Variants in MDGA2 observed in about 807,000 individuals in gnomAD.
MDGA2 encodes the protein MAM domain containing glycosylphosphatidylinositol anchor 2.
In MDGA2, 40 loss-of-function variants were observed where a neutral mutation model predicts 117.8. The ratio of observed to expected loss-of-function variants is 0.34; its 90% CI spans 0.26 to 0.44. The LOEUF (loss-of-function observed/expected upper bound fraction) is 0.44. MDGA2 is among the 20% of genes least tolerant of loss of function. MDGA2 has a pLI of 1.00. For synonymous variants in MDGA2, 452 were observed against 439.0 expected, an observed-to-expected ratio of 1.03 and a Z score of -0.37; for missense variants, 1,123 against 1,250.6, an observed-to-expected ratio of 0.90 and a Z score of 1.54.
chr14:47,027,627 T>TTTTATA (rs1555344546), intron 8 of MDGA2, among the ~76,000 whole-genome samples: 7 of 145,934 alleles, frequency 4.8e-5, no homozygotes, highest in Non-Finnish European at 7.5e-5. Context: ...ATATTATATA[T>TTTTATA]TATATATATA....
intron 6 of MDGA2, among the ~76,000 whole-genome samples, chr14:47,070,207 T>C (rs1229292945): frequency 1.3e-5 from 2 of 152,152 alleles, no homozygotes; most frequent in East Asian, 1.9e-4. Context: ...CATGCCCACC[T>C]TCCTCCCCCA....
At chr14:47,387,563 T>C (rs552179633) in intron 1 of MDGA2, among the ~76,000 whole-genome samples, 2 of 152,312 alleles carry the variant, frequency 1.3e-5, no homozygotes, top group South Asian at 4.1e-4. Flanking sequence ...GTAAAAAAGA[T>C]AAAAATTAGA....
At position 47,344,876 on chromosome 14, in the gene MDGA2, A is replaced by AGTGT. The variant is rs59134154; in HGVS notation, c.281-43330_281-43327dup. ...AGGGGTGTCTCTGTGTGTGTATGAG[A>AGTGT]GTGTGTGTGTGTGTGTTTATGACAT... On this transcript the variant is annotated intron_variant, in intron 1 of 16. Transcript: ENST00000399232. Among the ~76,000 whole-genome samples, 258 of 150,912 alleles carry AGTGT rather than the reference A, an allele frequency of 1.7e-3. 1 individual carries two copies. The highest frequency in any genetic ancestry group is 0.01 in the Middle Eastern group (3 of 290).
rs989472801 is a variant in MDGA2 at position 47,558,674 on chromosome 14, C to T, written c.280+115843G>A. Reference sequence around the variant, plus strand: ...TCTGCCTTTTATGAAATAACTGTTTCCTGCCAGTCAATGAAAACATGCTTA... The same window carrying T: ...TCTGCCTTTTATGAAATAACTGTTTTCTGCCAGTCAATGAAAACATGCTTA... On this transcript the variant is annotated intron_variant, in intron 1 of 16. Coordinates refer to ENST00000399232, the MANE Select transcript of MDGA2 (RefSeq NM_001113498.3). 3.9e-5 allele frequency among the ~76,000 whole-genome samples: 6 copies of T among 152,264 alleles called. No homozygotes were observed. In the East Asian group the frequency reaches 1.2e-3, roughly 29 times the overall value.
At chr14:46,874,897 T>C (rs570053168) in intron 12 of MDGA2, among the ~76,000 whole-genome samples, 13 of 151,204 alleles carry the variant, frequency 8.6e-5, no homozygotes, top group Admixed American at 4.0e-4. Flanking sequence ...CAACTATCCC[T>C]GAAATGTGGG....
At chr14:46,972,382 T>C (rs1886303516) in intron 8 of MDGA2, among the ~76,000 whole-genome samples, 1 of 152,172 alleles carries the variant, frequency 6.6e-6, no homozygotes, top group South Asian at 2.1e-4. Flanking sequence ...TGAGAAAAGA[T>C]ATTGAGCCAT....
At chr14:47,289,799 A>G (rs764197548) in intron 2 of MDGA2, among the ~76,000 whole-genome samples, 1 of 152,140 alleles carries the variant, frequency 6.6e-6, no homozygotes, top group Non-Finnish European at 1.5e-5. Context: ...CCTTCTACCT[A>G]TATAATATTT....
rs1477106487 is a variant in MDGA2 at position 47,652,027 on chromosome 14, T to G, written c.280+22490A>C. Reference sequence around the variant, plus strand: ...CAGAACAAAGACCTGATATGAAGTGTAAGTTTAAAAGTTGGCAGACAGGGA... The same window carrying G: ...CAGAACAAAGACCTGATATGAAGTGGAAGTTTAAAAGTTGGCAGACAGGGA... On this transcript the variant is annotated intron_variant, in intron 1 of 16. Coordinates refer to ENST00000399232, the MANE Select transcript of MDGA2 (RefSeq NM_001113498.3). Among the ~76,000 whole-genome samples the G allele has an allele frequency of 2.0e-5, 3 of 152,106 alleles. No homozygotes were observed. The East Asian group carries it at 5.8e-4, about 29-fold the overall frequency.
intron 1 of MDGA2, among the ~76,000 whole-genome samples, chr14:47,423,817 T>C (rs569924235): frequency 3.3e-5 from 5 of 152,058 alleles, no homozygotes; most frequent in Non-Finnish European, 5.9e-5. Context: ...TTATTTTATT[T>C]TACTTTATTT....
intron 3 of MDGA2, among the ~76,000 whole-genome samples, chr14:47,172,814 G>C (rs560743552): frequency 6.6e-6 from 1 of 152,188 alleles, no homozygotes; most frequent in African/African-American, 2.4e-5. Flanking sequence ...ACTTTGACAA[G>C]TTGAGAGAAG....
intron 1 of MDGA2, among the ~76,000 whole-genome samples, chr14:47,509,315 G>A (rs1894588910): frequency 6.6e-6 from 1 of 152,196 alleles, no homozygotes; most frequent in East Asian, 1.9e-4. Context: ...CTGGAACTAA[G>A]GACAATGAGT....
chr14:47,369,892 T>G (rs1891309051), intron 1 of MDGA2, among the ~76,000 whole-genome samples: 1 of 152,148 alleles, frequency 6.6e-6, no homozygotes, highest in South Asian at 2.1e-4. Context: ...TTATAATATT[T>G]TTGTATATAC....
chr14:47,398,500 T>C (rs769923199), intron 1 of MDGA2, among the ~76,000 whole-genome samples: 3 of 152,216 alleles, frequency 2.0e-5, no homozygotes, highest in Non-Finnish European at 2.9e-5. Flanking sequence ...ATAGAAACTA[T>C]ATATTTATAC....
At position 47,562,762 on chromosome 14, in the gene MDGA2, C is replaced by T. The variant is rs139554072; in HGVS notation, c.280+111755G>A. 4.6e-5 allele frequency among the ~76,000 whole-genome samples: 7 copies of T among 152,206 alleles called. 1 individual carries two copies. The highest frequency in any genetic ancestry group is 1.7e-4 in the African/African-American group (7 of 41,538). On this transcript the variant is annotated intron_variant, in intron 1 of 16. Coordinates refer to ENST00000399232, the MANE Select transcript of MDGA2 (RefSeq NM_001113498.3). ...TTTGATTTTGGTTGTTTCTTGTCTT[C>T]TGCTAGCTTTGGGGTTGGTTTGCTC...
At chr14:47,627,246 G>C (rs533122623) in intron 1 of MDGA2, among the ~76,000 whole-genome samples, 2 of 151,996 alleles carry the variant, frequency 1.3e-5, no homozygotes, top group Non-Finnish European at 2.9e-5. Context: ...TCTGTGTCTA[G>C]TTAATCTGGT....
In MDGA2 at chr14:47,500,638, C is replaced by G. The variant is rs944275227; in HGVS notation, c.280+173879G>C. 4.0e-5 allele frequency among the ~76,000 whole-genome samples: 6 copies of G among 151,764 alleles called. No homozygotes were observed. The East Asian group carries it at 1.2e-3, about 30-fold the overall frequency. ...TGCCAGAACCAAGCAGAAGGGGTTCCAATGGGTCCAGAATGCAACAATTTT... is the reference window on the plus strand; with the variant it reads ...TGCCAGAACCAAGCAGAAGGGGTTCGAATGGGTCCAGAATGCAACAATTTT... On this transcript the variant is annotated intron_variant, in intron 1 of 16. Coordinates refer to ENST00000399232, the MANE Select transcript of MDGA2 (RefSeq NM_001113498.3).
At chr14:47,000,997 G>A (rs559129865) in intron 8 of MDGA2, among the ~76,000 whole-genome samples, 1 of 152,028 alleles carries the variant, frequency 6.6e-6, no homozygotes, top group Admixed American at 6.6e-5. Flanking sequence ...TACATCATCA[G>A]CCCAAGATGT....
At chr14:47,070,859 C>T (rs559197147) in intron 6 of MDGA2, among the ~76,000 whole-genome samples, 15 of 152,334 alleles carry the variant, frequency 9.8e-5, no homozygotes, top group East Asian at 3.9e-4. Flanking sequence ...CCGCCTGCCT[C>T]GGCCTTCCGA....
At chr14:47,549,888 C>G in intron 1 of MDGA2, among the ~76,000 whole-genome samples, 1 of 152,220 alleles carries the variant, frequency 6.6e-6, no homozygotes, top group East Asian at 1.9e-4. Context: ...GCACCCTGAT[C>G]TGCGACTTCT....
Sources: gnomAD v4.1 joint callset for allele counts (sites outside exome capture counted in the v4.1 genomes callset) on GRCh38, gnomAD v4.1.1 for gene constraint, MANE v1.5 for transcripts, NCBI Gene and HGNC (gene_info 2026-07-23, HGNC 2026-07-21) for gene names.